RBFOX1: variants seen among roughly 807,000 people sequenced by gnomAD.
RBFOX1 encodes RNA binding fox-1 homolog 1, also known as RNA binding protein fox-1 homolog 1.
Under a neutral mutation model 57.7 loss-of-function variants are expected in RBFOX1, and 8 were observed. The observed-to-expected ratio is 0.14, with a 90% CI of 0.08 to 0.25. RBFOX1 has a LOEUF of 0.25. Ranked by LOEUF, RBFOX1 falls within the 10% of genes least tolerant of loss-of-function variation. The pLI, the probability that RBFOX1 is intolerant of heterozygous loss-of-function variation, is 1.00. For missense variants in RBFOX1, 611 were observed against 548.5 expected, an observed-to-expected ratio of 1.11 and a Z score of -1.14; for synonymous variants, 326 against 222.4, an observed-to-expected ratio of 1.47 and a Z score of -4.15.
At chr16:5,921,871 G>T (rs956350115) in intron 4 of RBFOX1, among the ~76,000 whole-genome samples, 17 of 152,008 alleles carry the variant, frequency 1.1e-4, no homozygotes, top group African/African-American at 3.4e-4. Context: ...AACCAGATAG[G>T]CCAGGTGTGG....
At chr16:6,772,872 CTG>C in intron 3 of RBFOX1, among the ~76,000 whole-genome samples, 1 of 74,626 alleles carries the variant, frequency 1.3e-5, no homozygotes, top group Non-Finnish European at 2.7e-5. Context: ...GTGTGTGTGT[CTG>C]TGTGGGCGTG....
chr16:7,681,529 A>G (rs1330137364), intron 14 of RBFOX1, among the ~76,000 whole-genome samples: 1 of 152,170 alleles, frequency 6.6e-6, no homozygotes, highest in Non-Finnish European at 1.5e-5. Context: ...GCAAATAAGT[A>G]TATTTACAGT....
At chr16:6,475,667 G>C (rs546847452) in intron 2 of RBFOX1, among the ~76,000 whole-genome samples, 1 of 152,128 alleles carries the variant, frequency 6.6e-6, no homozygotes, top group Non-Finnish European at 1.5e-5. Context: ...TAGGTGTCAG[G>C]ACAAAGAAAA....
intron 4 of RBFOX1, among the ~76,000 whole-genome samples, chr16:7,217,587 C>T (rs2092310908): frequency 6.6e-6 from 1 of 152,070 alleles, no homozygotes; most frequent in African/African-American, 2.4e-5. Flanking sequence ...GACAAAGGGT[C>T]ATGAGAGGCC....
At chr16:6,014,773 A>G (rs1033014837), upstream of RBFOX1, among the ~76,000 whole-genome samples, 4 of 152,074 alleles carry the variant, frequency 2.6e-5, no homozygotes, top group Admixed American at 6.5e-5. Flanking sequence ...TTATGGATAC[A>G]TTTGAGTATT....
chr16:7,363,116 A>T (rs4786147), intron 4 of RBFOX1, among the ~76,000 whole-genome samples: 75,812 of 151,978 alleles, frequency 0.5, 20,257 homozygotes, highest in East Asian at 0.73. Flanking sequence ...TGCTGCTCTT[A>T]CGCTGTGACT....
At chr16:7,486,289 G>A (rs868097206) in intron 4 of RBFOX1, among the ~76,000 whole-genome samples, 3 of 149,994 alleles carry the variant, frequency 2.0e-5, no homozygotes, top group Non-Finnish European at 3.0e-5. Context: ...CTGCCACCAC[G>A]CCTGGTTCAT....
intron 3 of RBFOX1, among the ~76,000 whole-genome samples, chr16:5,862,704 C>T (rs933223836): frequency 6.6e-6 from 1 of 152,098 alleles, no homozygotes; most frequent in Non-Finnish European, 1.5e-5. Flanking sequence ...GAGCTCTATC[C>T]CTTGAATGAG....
At chr16:5,741,777 G>T (rs1440159898) in intron 3 of RBFOX1, among the ~76,000 whole-genome samples, 4 of 152,188 alleles carry the variant, frequency 2.6e-5, no homozygotes, top group African/African-American at 9.6e-5. Context: ...GAAACTTTGA[G>T]TAGAAACTTT....
At chr16:7,072,985 G>A (rs2057631488) in intron 4 of RBFOX1, among the ~76,000 whole-genome samples, 1 of 152,212 alleles carries the variant, frequency 6.6e-6, no homozygotes, top group Non-Finnish European at 1.5e-5. Flanking sequence ...TGAGGAATAA[G>A]CCACTTATGT....
intron 14 of RBFOX1, among the ~76,000 whole-genome samples, chr16:7,695,613 C>G (rs917103724): frequency 7.0e-6 from 1 of 142,120 alleles, no homozygotes; most frequent in South Asian, 2.3e-4. Flanking sequence ...GACTGCGCCA[C>G]TGCACTCCGG....
At chr16:7,667,920 C>T (rs554156872) in intron 13 of RBFOX1, among the ~76,000 whole-genome samples, 50 of 152,254 alleles carry the variant, frequency 3.3e-4, no homozygotes, top group African/African-American at 1.1e-3. Context: ...GTGATCCATC[C>T]GCCTCGGTCT....
chr16:5,339,890 A>G (rs2064996851), intron 1 of RBFOX1, among the ~76,000 whole-genome samples: 1 of 152,142 alleles, frequency 6.6e-6, no homozygotes, highest in Non-Finnish European at 1.5e-5. Context: ...GGTTGGCTGC[A>G]GAGGTCATGG....
At chr16:5,965,017 T>C (rs2059816713) in intron 4 of RBFOX1, among the ~76,000 whole-genome samples, 1 of 152,086 alleles carries the variant, frequency 6.6e-6, no homozygotes, top group Admixed American at 6.6e-5. Context: ...TTATGCTAGG[T>C]GAAGTAAGCC....
intron 1 of RBFOX1, among the ~76,000 whole-genome samples, chr16:6,258,434 G>T (rs1320655085): frequency 1.3e-5 from 2 of 152,162 alleles, no homozygotes; most frequent in Non-Finnish European, 2.9e-5. Context: ...GTGTGCCCGT[G>T]TGTGCACATG....
intron 5 of RBFOX1, among the ~76,000 whole-genome samples, chr16:7,556,298 A>C (rs945084626): frequency 6.6e-6 from 1 of 152,148 alleles, no homozygotes; most frequent in Non-Finnish European, 1.5e-5. Flanking sequence ...TTTCTTGTAC[A>C]CCAGATTGTC....
intron 2 of RBFOX1, among the ~76,000 whole-genome samples, chr16:5,494,674 T>A (rs2042941932): frequency 6.6e-6 from 1 of 152,130 alleles, no homozygotes; most frequent in Admixed American, 6.5e-5. Context: ...TGTGGGCAGG[T>A]TTGCATGTCA....
At chr16:6,912,262 T>C (rs899091734) in intron 3 of RBFOX1, among the ~76,000 whole-genome samples, 10 of 152,180 alleles carry the variant, frequency 6.6e-5, no homozygotes, top group Non-Finnish European at 1.0e-4. Context: ...CCTGCTGGCA[T>C]TGTTAAAATG....
intron 1 of RBFOX1, among the ~76,000 whole-genome samples, chr16:5,434,888 T>A (rs2067869379): frequency 9.3e-6 from 1 of 107,568 alleles, no homozygotes; most frequent in Non-Finnish European, 1.8e-5. Context: ...ATGTCTTGAT[T>A]CCCCACAAAG....
Sources: gnomAD v4.1 joint callset for allele counts (sites outside exome capture counted in the v4.1 genomes callset) on GRCh38, gnomAD v4.1.1 for gene constraint, MANE v1.5 for transcripts, NCBI Gene and HGNC (gene_info 2026-07-23, HGNC 2026-07-21) for gene names.